The following DGKG variants were observed in gnomAD, a reference collection of about 807,000 sequenced individuals.
The protein encoded by DGKG is DAG kinase gamma.
DGKG carries 78 observed loss-of-function variants against 105.3 expected under a neutral mutation model. The ratio of observed to expected loss-of-function variants is 0.74; its 90% CI spans 0.62 to 0.89. The LOEUF is 0.89. DGKG is among the 40% of genes least tolerant of loss of function. The pLI is 0.00. For missense variants in DGKG, 958 were observed against 1,020.1 expected (o/e 0.94, Z 0.83); for synonymous variants, 346 against 367.1 (o/e 0.94, Z 0.66).
chr3:186,155,690 G>A (rs545315757), intron 24 of DGKG, among the ~76,000 whole-genome samples: 3 of 152,134 alleles, frequency 2.0e-5, no homozygotes, highest in Admixed American at 6.5e-5. Context: ...CTAGATCAAC[G>A]TATATTAATA....
At chr3:186,269,384 G>A (rs1670334242) in intron 11 of DGKG, among the ~76,000 whole-genome samples, 1 of 152,206 alleles carries the variant, frequency 6.6e-6, no homozygotes, top group Admixed American at 6.5e-5. Context: ...TGAGTCTCAG[G>A]TCCCTGACCT....
chr3:186,277,441 G>A (rs1722638365), intron 9 of DGKG, among the ~76,000 whole-genome samples: 1 of 152,196 alleles, frequency 6.6e-6, no homozygotes, highest in Non-Finnish European at 1.5e-5. Context: ...AGTCAGACTT[G>A]GGTCTTTTGC....
chr3:186,286,332 C>G (rs1052941653), intron 6 of DGKG, among the ~76,000 whole-genome samples: 1 of 152,166 alleles, frequency 6.6e-6, no homozygotes, highest in Non-Finnish European at 1.5e-5. Context: ...TAGCATTATT[C>G]CAGGACTCTG....
intron 22 of DGKG, among the ~76,000 whole-genome samples, chr3:186,180,613 C>T (rs1352519637): frequency 6.6e-6 from 1 of 152,124 alleles, no homozygotes; most frequent in East Asian, 1.9e-4. Context: ...CTATGACTGT[C>T]AAATCTCCAC....
intron 11 of DGKG, among the ~76,000 whole-genome samples, chr3:186,270,579 C>A (rs1057071081): frequency 6.6e-6 from 1 of 152,242 alleles, no homozygotes. Context: ...GTGTAAAGAA[C>A]TCAGTTTGCC....
intron 22 of DGKG, among the ~76,000 whole-genome samples, chr3:186,172,655 T>C (rs1716880872): frequency 6.6e-6 from 1 of 152,248 alleles, no homozygotes; most frequent in African/African-American, 2.4e-5. Flanking sequence ...GGTATGCATC[T>C]GATTCATTAG....
At position 186,279,922 on chromosome 3, in the gene DGKG, A is replaced by G. The variant is rs767895536; in HGVS notation, c.721T>C (p.Ser241Pro). ...CCTCCATGGACCCATTCCTGTAGAG[A>G]CACAAAGCCGTCCCGGTCGTAGTCC... ...GMDYDRDGFV[S>P]LQEWVHGGMT... is the part of the protein sequence containing the mutation. Residue 241 changes from serine to proline, a missense_variant, in exon 9 of 25, where the codon TCT becomes CCT. Coordinates refer to ENST00000265022, the MANE Select transcript of DGKG (RefSeq NM_001346.3). 6.2e-7 allele frequency: 1 copy of G among 1,614,152 alleles called. No homozygotes were observed. The highest frequency in any genetic ancestry group is 2.2e-5 in the East Asian group (1 of 44,880).
At chr3:186,241,227 G>C (rs1346082779) in intron 20 of DGKG, among the ~76,000 whole-genome samples, 1 of 151,908 alleles carries the variant, frequency 6.6e-6, no homozygotes, top group Non-Finnish European at 1.5e-5. Context: ...GAAAATGATG[G>C]GTCCTGGGCT....
chr3:186,253,004 A>T (rs1721296856), intron 18 of DGKG, 89 bp downstream of exon 18: 8 of 1,143,936 alleles, frequency 7.0e-6, no homozygotes, highest in Non-Finnish European at 1.1e-5. Flanking sequence ...TGTGATCCAT[A>T]AAAGGGTAAG....
intron 9 of DGKG, among the ~76,000 whole-genome samples, chr3:186,277,989 G>T (rs1412917826): frequency 3.9e-5 from 6 of 152,072 alleles, no homozygotes; most frequent in Non-Finnish European, 7.4e-5. Context: ...AAAAATAAGT[G>T]CATAAAACTC....
intron 20 of DGKG, among the ~76,000 whole-genome samples, chr3:186,224,309 T>C (rs1165879890): frequency 6.6e-6 from 1 of 152,160 alleles, no homozygotes; most frequent in African/African-American, 2.4e-5. Flanking sequence ...GTTCCCCATA[T>C]GTGCCTGTTT....
chr3:186,232,960 G>T (rs1283472400), intron 20 of DGKG, among the ~76,000 whole-genome samples: 1 of 152,152 alleles, frequency 6.6e-6, no homozygotes, highest in African/African-American at 2.4e-5. Flanking sequence ...CCACTGATGT[G>T]CCCGACTCTG....
At chr3:186,241,631 CA>C (rs1242764200) in intron 20 of DGKG, among the ~76,000 whole-genome samples, 1 of 152,108 alleles carries the variant, frequency 6.6e-6, no homozygotes, top group Non-Finnish European at 1.5e-5. Context: ...GGCTCAAAAA[CA>C]AAGTCCAAAT....
At chr3:186,216,442 C>G (rs1473819005) in intron 20 of DGKG, among the ~76,000 whole-genome samples, 1 of 152,184 alleles carries the variant, frequency 6.6e-6, no homozygotes, top group Non-Finnish European at 1.5e-5. Context: ...TGAATGCATT[C>G]TATTCCCATG....
At chr3:186,351,820 T>G (rs1726643927) in intron 1 of DGKG, among the ~76,000 whole-genome samples, 1 of 152,248 alleles carries the variant, frequency 6.6e-6, no homozygotes. Flanking sequence ...CAGTTTCGGT[T>G]CTGACACCTT....
chr3:186,189,450 A>C (rs995960436), intron 21 of DGKG, among the ~76,000 whole-genome samples: 1 of 152,232 alleles, frequency 6.6e-6, no homozygotes, highest in Non-Finnish European at 1.5e-5. Flanking sequence ...AGAAGCAAAC[A>C]CTGGACCCAG....
chr3:186,249,202 C>T (rs989045149), intron 19 of DGKG, among the ~76,000 whole-genome samples: 3 of 152,120 alleles, frequency 2.0e-5, no homozygotes, highest in Admixed American at 1.3e-4. Context: ...ACATTCCCCT[C>T]AGCTGAGGCC....
At position 186,251,876 on chromosome 3, in the gene DGKG, C is replaced by A; in HGVS notation, c.1644G>T (p.Glu548Asp). 6.2e-7 allele frequency: 1 copy of A among 1,603,848 alleles called. No individual in the cohort carries two copies. Among genetic ancestry groups the A allele is most frequent in the South Asian group, 1.1e-5 (1 of 90,042 alleles). ...GSLTKILKDI[E>D]QSPLVMLDRW... ...GGTCCAGCATCACCAAGGGGCTCTGCTCAATGTCTTTCAGGATTTTTGTCA... is the reference window on the plus strand; with the variant it reads ...GGTCCAGCATCACCAAGGGGCTCTGATCAATGTCTTTCAGGATTTTTGTCA... Residue 548 changes from glutamate to aspartate, a missense_variant, in exon 19 of 25, where the codon GAG becomes GAT. Physicochemically the swap from Glu to Asp is conservative, Grantham distance 45. Transcript: ENST00000265022.
At chr3:186,221,191 G>T (rs1284281499) in intron 20 of DGKG, among the ~76,000 whole-genome samples, 8 of 152,210 alleles carry the variant, frequency 5.3e-5, no homozygotes, top group Admixed American at 3.9e-4. Context: ...CACCACTTTG[G>T]GGGTGGCCCT....
Sources: allele counts gnomAD v4.1 joint callset (sites outside exome capture counted in the v4.1 genomes callset), GRCh38; gene constraint gnomAD v4.1.1; transcripts MANE v1.5; gene names NCBI Gene and HGNC (gene_info 2026-07-23, HGNC 2026-07-21).